The following ROBO2 variants were observed in gnomAD, a reference collection of about 807,000 sequenced individuals.
The protein encoded by ROBO2 is roundabout homolog 2.
Under a neutral mutation model 160.8 loss-of-function variants are expected in ROBO2, and 53 were observed. That is an observed-to-expected ratio of 0.33 (90% CI 0.26 to 0.41). The LOEUF (loss-of-function observed/expected upper bound fraction) is 0.41, where lower values mean the gene tolerates loss of function less well. Ranked by LOEUF, ROBO2 falls within the 10% of genes least tolerant of loss-of-function variation. ROBO2 has a pLI of 1.00. For missense variants in ROBO2, 1,577 were observed against 1,722.4 expected, an observed-to-expected ratio of 0.92 and a Z score of 1.49; for synonymous variants, 664 against 611.7, an observed-to-expected ratio of 1.09 and a Z score of -1.26.
chr3:76,532,558 C>T (rs1408340573), intron 2 of ROBO2, among the ~76,000 whole-genome samples: 1 of 152,114 alleles, frequency 6.6e-6, no homozygotes, highest in African/African-American at 2.4e-5. Flanking sequence ...GTATAATGTA[C>T]CATTTGACCT....
chr3:76,057,153 A>G (rs73842925), intron 2 of ROBO2, among the ~76,000 whole-genome samples: 4,369 of 152,226 alleles, frequency 0.029, 170 homozygotes, highest in East Asian at 0.23. Flanking sequence ...TCACCTTCTA[A>G]GACCTTTTAT....
intron 2 of ROBO2, among the ~76,000 whole-genome samples, chr3:77,474,017 T>A (rs1560937175): frequency 1.3e-5 from 2 of 152,086 alleles, no homozygotes; most frequent in Non-Finnish European, 2.9e-5. Flanking sequence ...AGTCCGGACC[T>A]ACCAAAGAAG....
intron 2 of ROBO2, among the ~76,000 whole-genome samples, chr3:76,194,382 A>C (rs1702162267): frequency 6.9e-6 from 1 of 144,104 alleles, no homozygotes. Flanking sequence ...ATATATATAT[A>C]TATAGTGTGA....
At chr3:77,542,191 C>T (rs1304936281) in intron 6 of ROBO2, among the ~76,000 whole-genome samples, 1 of 152,114 alleles carries the variant, frequency 6.6e-6, no homozygotes, top group Non-Finnish European at 1.5e-5. Context: ...AAATAAATTC[C>T]TTCAGCTGAT....
chr3:77,010,605 C>T (rs1270703368), intron 2 of ROBO2, among the ~76,000 whole-genome samples: 1 of 152,110 alleles, frequency 6.6e-6, no homozygotes, highest in Non-Finnish European at 1.5e-5. Context: ...GACCCAGTTT[C>T]AGGACCTTTA....
chr3:76,308,376 C>CAAAAAAAAAAA (rs71277580), intron 2 of ROBO2, among the ~76,000 whole-genome samples: 2 of 85,530 alleles, frequency 2.3e-5, no homozygotes, highest in Non-Finnish European at 4.3e-5. Context: ...GACTCTGTCT[C>CAAAAAAAAAAA]AAAAAAAAAA....
intron 2 of ROBO2, among the ~76,000 whole-genome samples, chr3:75,992,379 C>T (rs1198040694): frequency 6.6e-6 from 1 of 152,146 alleles, no homozygotes; most frequent in Non-Finnish European, 1.5e-5. Context: ...AAGCTCAGCC[C>T]ATTGCTCCCG....
At chr3:76,045,719 A>G (rs1024489446) in intron 2 of ROBO2, among the ~76,000 whole-genome samples, 19 of 151,868 alleles carry the variant, frequency 1.3e-4, no homozygotes, top group African/African-American at 4.4e-4. Flanking sequence ...TCCAAGTTCA[A>G]TATTTTGCCA....
rs542000761 is a variant in ROBO2 at position 77,360,765 on chromosome 3, T to C, written c.389-116649T>C. Among the ~76,000 whole-genome samples the C allele has an allele frequency of 1.5e-3, 229 of 152,258 alleles. 2 individuals carry two copies. The highest frequency in any genetic ancestry group is 5.1e-3 in the African/African-American group (213 of 41,568). On this transcript the variant is annotated intron_variant, in intron 2 of 25. Transcript: ENST00000461745. ...CTCTCTGACTTTTTAAGCAAATTGC[T>C]GTGTCTGGGCCCCATCTCCACATTT... is the stretch of plus-strand genomic sequence containing the variant.
rs184832558 is a variant in ROBO2, at chr3:76,328,054, C to G, written c.109+390452C>G. 2.5e-4 allele frequency among the ~76,000 whole-genome samples: 38 copies of G among 152,170 alleles called. No homozygotes were observed. The East Asian group carries it at 6.8e-3, about 27-fold the overall frequency. On this transcript the variant is annotated intron_variant, in intron 2 of 26. Transcript: ENST00000487694. ...AGAAACCAGAAAGAAGAGAAAGAAG[C>G]CTTCACTAAATTAATTGATTCTTTA...
chr3:77,632,578 G>C, intron 23 of ROBO2: 1 of 1,535,718 alleles, frequency 6.5e-7, no homozygotes, highest in Non-Finnish European at 8.7e-7. Context: ...CTTTGCCAGC[G>C]GCAGTTTTGC....
chr3:76,094,130 GCACT>G (rs1163596662), intron 2 of ROBO2, among the ~76,000 whole-genome samples: 5 of 150,992 alleles, frequency 3.3e-5, no homozygotes, highest in Non-Finnish European at 7.4e-5. Flanking sequence ...GTGCACACTC[GCACT>G]CACACACACA....
rs115271155 is a variant in ROBO2, at chr3:76,830,425, C to T, written c.110-267589C>T. On this transcript the variant is annotated intron_variant, in intron 2 of 26. Transcript: ENST00000487694. ...TTTTTCTCTTTCTTTTTCAGTATAGCTTTCATAATTTCAACAAAATACCCT... is the reference window on the plus strand; with the variant it reads ...TTTTTCTCTTTCTTTTTCAGTATAGTTTTCATAATTTCAACAAAATACCCT... 3.1e-3 allele frequency among the ~76,000 whole-genome samples: 466 copies of T among 152,122 alleles called. 1 individual carries two copies. The highest frequency in any genetic ancestry group is 9.8e-3 in the African/African-American group (406 of 41,510).
At chr3:75,934,431 G>A (rs75003778) in intron 1 of ROBO2, among the ~76,000 whole-genome samples, 1 of 152,096 alleles carries the variant, frequency 6.6e-6, no homozygotes, top group Admixed American at 6.6e-5. Context: ...TATGGTTAAT[G>A]TTACTTTATG....
At chr3:77,614,379 C>T (rs1262594822) in intron 21 of ROBO2, among the ~76,000 whole-genome samples, 6 of 152,052 alleles carry the variant, frequency 3.9e-5, no homozygotes, top group African/African-American at 1.5e-4. Flanking sequence ...CAGATTAGCA[C>T]TCATTATATA....
intron 2 of ROBO2, among the ~76,000 whole-genome samples, chr3:76,623,714 T>C (rs2089403468): frequency 1.3e-5 from 2 of 152,218 alleles, no homozygotes; most frequent in South Asian, 4.1e-4. Context: ...TAGATACCAT[T>C]TGCATTGAGT....
At chr3:76,290,404 C>G (rs111999836) in intron 2 of ROBO2, among the ~76,000 whole-genome samples, 2 of 152,190 alleles carry the variant, frequency 1.3e-5, no homozygotes, top group East Asian at 3.9e-4. Flanking sequence ...TTTATCAGAT[C>G]TATGAGCTTT....
rs374900113 is a variant in ROBO2 at position 76,507,673 on chromosome 3, C to T, written c.109+570071C>T. ...TGATATAATCCTCACAACAACCCTA[C>T]GAGATAAGTACTGTCATTACCCATA... On this transcript the variant is annotated intron_variant, in intron 2 of 26. Coordinates refer to the ROBO2 transcript ENST00000487694. 4.3e-4 allele frequency among the ~76,000 whole-genome samples: 66 copies of T among 152,124 alleles called. 2 individuals are homozygous for T. Among genetic ancestry groups the T allele is most frequent in the South Asian group, 2.7e-3 (13 of 4,820 alleles).
chr3:76,376,542 T>C (rs893013530), intron 2 of ROBO2, among the ~76,000 whole-genome samples: 1 of 152,100 alleles, frequency 6.6e-6, no homozygotes, highest in African/African-American at 2.4e-5. Context: ...CAAGAATCAG[T>C]GGTGATCCAT....
Sources: gnomAD v4.1 joint callset for allele counts (sites outside exome capture counted in the v4.1 genomes callset) on GRCh38, gnomAD v4.1.1 for gene constraint, MANE v1.5 for transcripts, NCBI Gene and HGNC (gene_info 2026-07-23, HGNC 2026-07-21) for gene names.